KHDRBS3: variants seen among roughly 807,000 people sequenced by gnomAD.
The protein encoded by KHDRBS3 is KH RNA binding domain containing, signal transduction associated 3, also known as KH domain-containing, RNA-binding, signal transduction-associated protein 3.
KHDRBS3 carries 23 observed loss-of-function variants against 45.6 expected under a neutral mutation model. That is an observed-to-expected ratio of 0.50 (90% CI 0.36 to 0.72). KHDRBS3 has a LOEUF of 0.72. Ranked by LOEUF, KHDRBS3 falls within the 30% of genes least tolerant of loss-of-function variation. KHDRBS3 has a pLI of 0.00. For synonymous variants in KHDRBS3, 162 were observed against 156.5 expected, an observed-to-expected ratio of 1.04 and a Z score of -0.26; for missense variants, 352 against 424.8, an observed-to-expected ratio of 0.83 and a Z score of 1.51.
rs1013416706 is a variant in KHDRBS3, at chr8:135,647,460, GT to G, written c.*385del. ...TATTTTATCTTTCAGCCATATGCTA[GT>G]TTTTTTTTCTCTTGCCAACATGCGT... On this transcript the variant is annotated 3_prime_UTR_variant, in exon 9 of 9. Transcript: ENST00000355849. The G allele has an allele frequency of 1.2e-4, 19 of 154,030 alleles. No individual in the cohort carries two copies. Among genetic ancestry groups the G allele is most frequent in the East Asian group, 1.9e-4 (1 of 5,292 alleles). 9.5% of individuals were successfully genotyped at this position (154,030 alleles called of 1,614,324 possible).
At chr8:135,484,890 A>T (rs1326288099) in intron 1 of KHDRBS3, among the ~76,000 whole-genome samples, 1 of 152,152 alleles carries the variant, frequency 6.6e-6, no homozygotes, top group Non-Finnish European at 1.5e-5. Context: ...AGGTAGTAAC[A>T]TTTATTAAAT....
chr8:135,629,518 G>A (rs1830508197), intron 7 of KHDRBS3, among the ~76,000 whole-genome samples: 1 of 152,176 alleles, frequency 6.6e-6, no homozygotes, highest in Admixed American at 6.5e-5. Context: ...CTGCCTGCCC[G>A]AGCTTACCCT....
chr8:135,604,925 C>CT (rs752256918), intron 6 of KHDRBS3, among the ~76,000 whole-genome samples: 94 of 143,198 alleles, frequency 6.6e-4, no homozygotes, highest in Middle Eastern at 3.6e-3. Flanking sequence ...AGTTGACAGT[C>CT]TTTTTTTTTT....
chr8:135,581,936 A>G lies in KHDRBS3; in HGVS notation c.670A>G (p.Thr224Ala). ...VGVVVPRGTP[T>A]PRGVLSTRGP... ...AGTTGTAGTACCACGAGGGACGCCA[A>G]CTCCCAGAGGAGTCCTGTCCACCCG... Residue 224 changes from threonine to alanine, a missense_variant, in exon 6 of 9, where the codon ACT becomes GCT. Thr to Ala is a moderately conservative substitution (Grantham distance 58). This residue lies in a region of KHDRBS3 where 212 missense variants were observed against 209.6 expected (regional missense o/e 1.01). Transcript: ENST00000355849. The G allele has an allele frequency of 6.2e-7, 1 of 1,612,088 alleles. No individual in the cohort carries two copies. Among genetic ancestry groups the G allele is most frequent in the African/African-American group, 1.3e-5 (1 of 74,926 alleles).
rs111311374 is a variant in KHDRBS3, at chr8:135,612,616, C to G, written c.890+5579C>G. Among the ~76,000 whole-genome samples the G allele has an allele frequency of 4.4e-3, 675 of 151,948 alleles. 33 individuals are homozygous for G. Among genetic ancestry groups the G allele is most frequent in the African/African-American group, 0.015 (619 of 41,254 alleles). ...TCATACGTAAATAGTTCTCTCAATT[C>G]AGAATTTGAAAGTACGTGCAATGCT... On this transcript the variant is annotated intron_variant, in intron 7 of 8. Transcript: ENST00000355849.
chr8:135,655,721 T>A (rs1359605427), intron 4 of KHDRBS3, among the ~76,000 whole-genome samples: 1 of 135,246 alleles, frequency 7.4e-6, no homozygotes, highest in Admixed American at 7.9e-5. Context: ...CTGCTGCGAT[T>A]GGGTTTTTTG....
At chr8:135,458,209 G>C in intron 1 of KHDRBS3, 1 of 1,270,250 alleles carries the variant, frequency 7.9e-7, no homozygotes, top group South Asian at 1.9e-5. Flanking sequence ...AATCTTTGGG[G>C]ACTCGGGCAC....
At chr8:135,554,920 G>A (rs1586713229) in intron 4 of KHDRBS3, among the ~76,000 whole-genome samples, 1 of 152,038 alleles carries the variant, frequency 6.6e-6, no homozygotes, top group African/African-American at 2.4e-5. Flanking sequence ...TGTTTCTTCT[G>A]TCTTAAAATC....
intron 1 of KHDRBS3, among the ~76,000 whole-genome samples, chr8:135,515,605 G>C (rs1233618075): frequency 6.6e-6 from 1 of 151,946 alleles, no homozygotes; most frequent in Non-Finnish European, 1.5e-5. Context: ...ATCCACTAGT[G>C]GTCAATAGCA....
chr8:135,631,328 A>C (rs1830594623), intron 7 of KHDRBS3, among the ~76,000 whole-genome samples: 1 of 152,070 alleles, frequency 6.6e-6, no homozygotes, highest in Admixed American at 6.5e-5. Flanking sequence ...TACTTTATAA[A>C]CTTTAGTTTT....
chr8:135,651,322 A>G (rs1831423951), downstream of KHDRBS3, among the ~76,000 whole-genome samples: 1 of 150,658 alleles, frequency 6.6e-6, no homozygotes, highest in African/African-American at 2.4e-5. Flanking sequence ...TATGATATAT[A>G]AAATATCATA....
intron 6 of KHDRBS3, among the ~76,000 whole-genome samples, chr8:135,584,607 T>C (rs1828375083): frequency 6.6e-6 from 1 of 152,246 alleles, no homozygotes; most frequent in Admixed American, 6.5e-5. Flanking sequence ...AAAGCTTCAG[T>C]GGCTTTTTCA....
At chr8:135,459,834 T>C (rs962460909) in intron 1 of KHDRBS3, among the ~76,000 whole-genome samples, 1 of 152,240 alleles carries the variant, frequency 6.6e-6, no homozygotes, top group African/African-American at 2.4e-5. Flanking sequence ...GAAACAGATA[T>C]TTACTGGGGA....
chr8:135,458,664 CA>C (rs1466999974), intron 1 of KHDRBS3: 2 of 354,878 alleles, frequency 5.6e-6, no homozygotes, highest in Non-Finnish European at 1.1e-5. Flanking sequence ...AAGAGGCCGG[CA>C]AAAGAGCACC....
chr8:135,480,713 A>G (rs1822520637), intron 1 of KHDRBS3, among the ~76,000 whole-genome samples: 1 of 152,214 alleles, frequency 6.6e-6, no homozygotes, highest in African/African-American at 2.4e-5. Flanking sequence ...ACTATTGGTT[A>G]TATTTTAGAC....
chr8:135,494,259 C>T (rs1280986584), intron 1 of KHDRBS3, among the ~76,000 whole-genome samples: 1 of 145,720 alleles, frequency 6.9e-6, no homozygotes, highest in Non-Finnish European at 1.5e-5. Flanking sequence ...ATTTTTTCCT[C>T]TTCTGTTTCT....
chr8:135,642,232 G>A (rs973093193), intron 7 of KHDRBS3, among the ~76,000 whole-genome samples: 1 of 152,270 alleles, frequency 6.6e-6, no homozygotes, highest in Admixed American at 6.5e-5. Flanking sequence ...AAAGCCACCT[G>A]TAGCATTTGT....
chr8:135,592,952 A>C (rs760944155), intron 6 of KHDRBS3, among the ~76,000 whole-genome samples: 26 of 152,186 alleles, frequency 1.7e-4, no homozygotes, highest in Non-Finnish European at 2.9e-4. Context: ...TAATCCCAGC[A>C]CTTTGGGAGG....
At chr8:135,576,106 G>A (rs527858794) in intron 5 of KHDRBS3, among the ~76,000 whole-genome samples, 1 of 152,236 alleles carries the variant, frequency 6.6e-6, no homozygotes, top group South Asian at 2.1e-4. Context: ...TGAGTTTGGG[G>A]AACCAAAACC....
Sources: gnomAD v4.1 joint callset for allele counts (sites outside exome capture counted in the v4.1 genomes callset) on GRCh38, gnomAD v4.1.1 for gene constraint, gnomAD v4.1.1 regional missense constraint, MANE v1.5 for transcripts, NCBI Gene and HGNC (gene_info 2026-07-23, HGNC 2026-07-21) for gene names.